Variants in NAV2 observed in about 807,000 individuals in gnomAD.
NAV2 encodes the protein neuron navigator 2, also known as helicase, APC down-regulated 1.
A neutral mutation model predicts 223.2 loss-of-function variants in NAV2; 54 were observed. That is an observed-to-expected ratio of 0.24 (90% CI 0.19 to 0.30). The LOEUF is 0.30. Ranked by LOEUF, NAV2 falls within the 10% of genes least tolerant of loss-of-function variation. The pLI is 1.00. For missense variants in NAV2, 2,806 were observed against 3,147.5 expected (o/e 0.89, Z 2.60); for synonymous variants, 1,279 against 1,239.3 (o/e 1.03, Z -0.67).
intron 1 of NAV2, among the ~76,000 whole-genome samples, chr11:19,532,564 C>A (rs977874253): frequency 2.0e-5 from 3 of 152,080 alleles, no homozygotes; most frequent in African/African-American, 7.2e-5. Context: ...AATCACTAAT[C>A]ATCATAAACG....
rs188944845 is a variant in NAV2 at position 19,644,566 on chromosome 11, T to C, written c.76-187918T>C. ...AACCATTCCTGTGGGTTCCTTTGCT[T>C]TGAGGATCCCTCAGCCGTGGATCAC... On this transcript the variant is annotated intron_variant, in intron 1 of 37. Transcript: ENST00000360655. 1.1e-3 allele frequency among the ~76,000 whole-genome samples: 162 copies of C among 152,350 alleles called. 3 individuals are homozygous for C. The highest frequency in any genetic ancestry group is 3.7e-3 in the African/African-American group (153 of 41,586).
At chr11:19,779,960 C>T (rs907167198) in intron 1 of NAV2, among the ~76,000 whole-genome samples, 8 of 152,232 alleles carry the variant, frequency 5.3e-5, no homozygotes, top group East Asian at 1.9e-4. Flanking sequence ...GGTGTGTGCC[C>T]GAACTTTTAT....
At chr11:19,694,451 G>A (rs2009725) in intron 1 of NAV2, among the ~76,000 whole-genome samples, 133,790 of 152,198 alleles carry the variant, frequency 0.88, 59,079 homozygotes, top group Middle Eastern at 0.98. Context: ...GGGGAGGGCC[G>A]CTGAACAGGG....
chr11:19,579,891 G>A (rs907297636), intron 1 of NAV2, among the ~76,000 whole-genome samples: 1 of 152,158 alleles, frequency 6.6e-6, no homozygotes, highest in African/African-American at 2.4e-5. Flanking sequence ...CACTTAAGTG[G>A]AAAGTACTAT....
At chr11:19,786,630 G>A (rs562290760) in intron 1 of NAV2, among the ~76,000 whole-genome samples, 4 of 152,332 alleles carry the variant, frequency 2.6e-5, no homozygotes, top group East Asian at 3.9e-4. Context: ...TCTCCTGTGG[G>A]AGAGTGACTT....
intron 3 of NAV2, among the ~76,000 whole-genome samples, chr11:19,854,078 A>G (rs2152986713): frequency 6.6e-6 from 1 of 152,298 alleles, no homozygotes; most frequent in East Asian, 1.9e-4. Flanking sequence ...TGAAAGAGAA[A>G]TTGGATGGTG....
chr11:19,981,004 G>A (rs2050242117), intron 10 of NAV2, among the ~76,000 whole-genome samples: 3 of 152,240 alleles, frequency 2.0e-5, no homozygotes, highest in South Asian at 2.1e-4. Context: ...TAAAAGAAGA[G>A]GTAAGTTCCC....
At chr11:19,656,436 A>T (rs752948683) in intron 1 of NAV2, among the ~76,000 whole-genome samples, 1 of 152,206 alleles carries the variant, frequency 6.6e-6, no homozygotes, top group Non-Finnish European at 1.5e-5. Context: ...AAAGAAGGCC[A>T]TTGTGGTGAA....
At position 19,707,161 on chromosome 11, in the gene NAV2, C is replaced by T. The variant is rs150842403; in HGVS notation, c.76-125323C>T. 1.3e-3 allele frequency among the ~76,000 whole-genome samples: 203 copies of T among 152,254 alleles called. 3 individuals carry two copies. Among genetic ancestry groups the T allele is most frequent in the African/African-American group, 4.6e-3 (192 of 41,546 alleles). ...TGTAAAGGCCTAGGACATTGCTGTA[C>T]ACTATTGCAGAGTTTATTAACACTG... On this transcript the variant is annotated intron_variant, in intron 1 of 37. Coordinates refer to the NAV2 transcript ENST00000360655.
chr11:19,943,131 G>C (rs565679093), intron 8 of NAV2, among the ~76,000 whole-genome samples: 1 of 152,272 alleles, frequency 6.6e-6, no homozygotes, highest in Admixed American at 6.5e-5. Flanking sequence ...CCTATGCCTA[G>C]ACTTAGCTTC....
intron 1 of NAV2, among the ~76,000 whole-genome samples, chr11:19,440,435 G>C (rs1056337136): frequency 1.3e-5 from 2 of 152,164 alleles, no homozygotes; most frequent in African/African-American, 4.8e-5. Context: ...AACTAGTATT[G>C]TCCAAGCTGC....
intron 1 of NAV2, among the ~76,000 whole-genome samples, chr11:19,482,607 A>G (rs1001833473): frequency 6.6e-5 from 10 of 152,204 alleles, no homozygotes; most frequent in Admixed American, 2.0e-4. Flanking sequence ...TGACCACACC[A>G]GCACCGCCCT....
chr11:19,846,917 T>G (rs1243765812), intron 3 of NAV2, among the ~76,000 whole-genome samples: 1 of 152,212 alleles, frequency 6.6e-6, no homozygotes, highest in Non-Finnish European at 1.5e-5. Flanking sequence ...CAGATGCTTT[T>G]GGGGCCAAAT....
chr11:19,568,194 G>A (rs61540916), intron 1 of NAV2, among the ~76,000 whole-genome samples: 2,780 of 152,340 alleles, frequency 0.018, 84 homozygotes, highest in African/African-American at 0.064. Context: ...ACAAGCCACA[G>A]CTCACATTCT....
intron 1 of NAV2, among the ~76,000 whole-genome samples, chr11:19,814,808 CAG>C (rs1187168528): frequency 2.0e-5 from 3 of 152,120 alleles, no homozygotes; most frequent in African/African-American, 7.2e-5. Flanking sequence ...GGCTTTATGA[CAG>C]AGAGAGAACC....
At chr11:19,501,371 T>C (rs534972139) in intron 1 of NAV2, among the ~76,000 whole-genome samples, 6 of 152,256 alleles carry the variant, frequency 3.9e-5, no homozygotes, top group African/African-American at 1.4e-4. Context: ...TCATCTACAT[T>C]TCCAGTACCT....
intron 1 of NAV2, among the ~76,000 whole-genome samples, chr11:19,715,393 C>T (rs1014683765): frequency 2.0e-5 from 3 of 152,136 alleles, no homozygotes; most frequent in Non-Finnish European, 2.9e-5. Flanking sequence ...GTGGGCTCTG[C>T]CATGGGGGTG....
At chr11:19,757,986 A>G (rs1450415690) in intron 1 of NAV2, among the ~76,000 whole-genome samples, 1 of 152,156 alleles carries the variant, frequency 6.6e-6, no homozygotes, top group Non-Finnish European at 1.5e-5. Context: ...AGTTATTGGA[A>G]CCTGGTCTTC....
chr11:19,435,977 T>A (rs1851200269), intron 1 of NAV2, among the ~76,000 whole-genome samples: 2 of 152,182 alleles, frequency 1.3e-5, no homozygotes, highest in South Asian at 4.1e-4. Flanking sequence ...CAGCTCCTTA[T>A]CCAATGTATG....
Sources: allele counts gnomAD v4.1 joint callset (sites outside exome capture counted in the v4.1 genomes callset), GRCh38; gene constraint gnomAD v4.1.1; transcripts MANE v1.5; gene names NCBI Gene and HGNC (gene_info 2026-07-23, HGNC 2026-07-21).